The following GNB1 variants were observed in gnomAD, a reference collection of about 807,000 sequenced individuals.
GNB1 encodes guanine nucleotide-binding protein G(I)/G(S)/G(T) subunit beta-1.
GNB1 carries 2 observed loss-of-function variants against 42.9 expected under a neutral mutation model. The observed-to-expected ratio is 0.05, with a 90% CI of 0.02 to 0.15. The LOEUF (loss-of-function observed/expected upper bound fraction) is 0.15. GNB1 is among the 10% of genes least tolerant of loss of function. The pLI, the probability that GNB1 is intolerant of heterozygous loss-of-function variation, is 1.00. For synonymous variants in GNB1, 183 were observed against 174.7 expected (o/e 1.05, Z -0.38); for missense variants, 193 against 462.2 (o/e 0.42, Z 5.34).
chr1:1,860,594 G>A (rs1258043892), intron 1 of GNB1, among the ~76,000 whole-genome samples: 1 of 148,390 alleles, frequency 6.7e-6, no homozygotes, highest in East Asian at 2.0e-4. Context: ...CCGAGATCAC[G>A]CCACTGCACT....
chr1:1,788,219 TC>T (rs755838256), intron 10 of GNB1: 1 of 152,300 alleles, frequency 6.6e-6, no homozygotes, highest in Non-Finnish European at 1.5e-5. Context: ...GAGGGGGCCT[TC>T]TGTCAACACT....
At chr1:1,825,345 T>A (rs1328058698) in intron 3 of GNB1, 52 bp downstream of exon 3, 1 of 1,273,860 alleles carries the variant, frequency 7.9e-7, no homozygotes, top group Non-Finnish European at 1.1e-6. Flanking sequence ...ACAAGTAACA[T>A]CTAACCTGAA....
At chr1:1,876,517 G>A (rs1464010653) in intron 1 of GNB1, among the ~76,000 whole-genome samples, 3 of 149,494 alleles carry the variant, frequency 2.0e-5, no homozygotes, top group Admixed American at 1.3e-4. Flanking sequence ...GAGAGAGAGC[G>A]AGCGTGCATG....
intron 1 of GNB1, among the ~76,000 whole-genome samples, chr1:1,882,856 G>A (rs546888913): frequency 1.3e-5 from 2 of 152,080 alleles, no homozygotes; most frequent in African/African-American, 2.4e-5. Context: ...AGGAGGTGGA[G>A]GTTGCAGTGA....
intron 1 of GNB1, among the ~76,000 whole-genome samples, chr1:1,853,509 A>G (rs1439421191): frequency 6.6e-6 from 1 of 152,210 alleles, no homozygotes; most frequent in East Asian, 1.9e-4. Flanking sequence ...TTTTGCCTCA[A>G]AGAATGAGAG....
At chr1:1,797,425 A>G (rs914917680) in intron 7 of GNB1, among the ~76,000 whole-genome samples, 1 of 152,120 alleles carries the variant, frequency 6.6e-6, no homozygotes, top group Non-Finnish European at 1.5e-5. Context: ...ATGATGATTC[A>G]AAGTTCCTTT....
intron 5 of GNB1, among the ~76,000 whole-genome samples, chr1:1,808,890 C>A (rs147603041): frequency 9.7e-4 from 147 of 152,262 alleles, no homozygotes; most frequent in African/African-American, 3.2e-3. Context: ...GTGATCCGCC[C>A]ACCTTGGCCT....
Position 1,789,162 on chromosome 1 carries a change from G to T in GNB1, c.807C>A (p.Ile269=). 1 of 1,613,942 alleles carries T rather than the reference G, an allele frequency of 6.2e-7. No individual in the cohort carries two copies. The highest frequency in any genetic ancestry group is 2.2e-5 in the East Asian group (1 of 44,886). Reference sequence around the variant, plus strand: ...AGGAGACAGAGGTGATCCCGCAGATGATGTTGTCATGGGAGTAAGTCATGA... The same window carrying T: ...AGGAGACAGAGGTGATCCCGCAGATTATGTTGTCATGGGAGTAAGTCATGA... ...QELMTYSHDN[I]ICGITSVSFS... The change falls in exon 10 of 12, where the codon ATC becomes ATA. Residue 269 remains isoleucine, a synonymous_variant. Transcript: ENST00000378609.
intron 7 of GNB1, among the ~76,000 whole-genome samples, chr1:1,804,076 G>A (rs1210150635): frequency 6.7e-6 from 1 of 149,762 alleles, no homozygotes; most frequent in Non-Finnish European, 1.5e-5. Context: ...GGTGGATCAC[G>A]AGGTTAGGAG....
chr1:1,872,995 G>T (rs1649332154), intron 1 of GNB1, among the ~76,000 whole-genome samples: 2 of 152,034 alleles, frequency 1.3e-5, no homozygotes, highest in Admixed American at 6.6e-5. Flanking sequence ...CACGGTTTCT[G>T]CAAGTCCCAC....
intron 2 of GNB1, among the ~76,000 whole-genome samples, chr1:1,828,894 T>A (rs368119712): frequency 1.3e-5 from 2 of 149,730 alleles, no homozygotes; most frequent in Non-Finnish European, 3.0e-5. Flanking sequence ...CATACACACA[T>A]ACACACACAC....
intron 7 of GNB1, among the ~76,000 whole-genome samples, chr1:1,800,753 T>TAAAAAAA (rs943269814): frequency 3.5e-5 from 4 of 115,324 alleles, no homozygotes; most frequent in African/African-American, 9.5e-5. Flanking sequence ...TTTAGATTGT[T>TAAAAAAA]AAAAAAAAAA....
intron 7 of GNB1, among the ~76,000 whole-genome samples, chr1:1,800,429 T>C (rs1219685678): frequency 2.0e-5 from 3 of 152,144 alleles, no homozygotes; most frequent in African/African-American, 7.2e-5. Context: ...AGGTAACAAG[T>C]ACATGAACTT....
chr1:1,809,105 C>T (rs1646741400), intron 5 of GNB1, among the ~76,000 whole-genome samples: 1 of 151,930 alleles, frequency 6.6e-6, no homozygotes, highest in Non-Finnish European at 1.5e-5. Context: ...CAAATAAAAA[C>T]CTTTTCACCT....
intron 4 of GNB1, among the ~76,000 whole-genome samples, chr1:1,816,970 A>G (rs1646865856): frequency 6.6e-6 from 1 of 151,990 alleles, no homozygotes; most frequent in Admixed American, 6.6e-5. Flanking sequence ...CCAATTAATC[A>G]CTTTAAAGTC....
chr1:1,793,198 G>C, intron 8 of GNB1, 47 bp downstream of exon 8: 2 of 1,161,306 alleles, frequency 1.7e-6, no homozygotes, highest in Non-Finnish European at 2.6e-6. Context: ...AATGTGCCAG[G>C]GGCTGTGGGT....
At chr1:1,827,804 G>A (rs1570678214) in intron 2 of GNB1, among the ~76,000 whole-genome samples, 1 of 152,130 alleles carries the variant, frequency 6.6e-6, no homozygotes, top group African/African-American at 2.4e-5. Context: ...GCATAATAGA[G>A]AATTGTTCTT....
Position 1,845,161 on chromosome 1 carries a change from C to T in GNB1, c.-95-5923G>A, listed in dbSNP as rs138384759. Among the ~76,000 whole-genome samples the T allele has an allele frequency of 1.7e-3, 257 of 152,118 alleles. 1 individual carries two copies. Among genetic ancestry groups the T allele is most frequent in the African/African-American group, 5.9e-3 (245 of 41,512 alleles). On this transcript the variant is annotated intron_variant, in intron 1 of 11. Transcript: ENST00000378609. ...ATACCTGTAAAACACAACCAACCAA[C>T]CAAAAAAAGGTCTAAAGACATCACG...
At chr1:1,856,325 T>G (rs1470404870) in intron 1 of GNB1, among the ~76,000 whole-genome samples, 1 of 152,180 alleles carries the variant, frequency 6.6e-6, no homozygotes, top group Non-Finnish European at 1.5e-5. Context: ...GGTCTCGCTA[T>G]GTTGCCCAGG....
Sources: allele counts gnomAD v4.1 joint callset (sites outside exome capture counted in the v4.1 genomes callset), GRCh38; gene constraint gnomAD v4.1.1; transcripts MANE v1.5; gene names NCBI Gene and HGNC (gene_info 2026-07-23, HGNC 2026-07-21).